Variants in CACNA1D observed in about 807,000 individuals in gnomAD.
CACNA1D encodes calcium voltage-gated channel subunit alpha1 D.
In CACNA1D, 55 loss-of-function variants were observed where a neutral mutation model predicts 257.1. The ratio of observed to expected loss-of-function variants is 0.21; its 90% CI spans 0.17 to 0.27. The LOEUF is 0.27. Ranked by LOEUF, CACNA1D falls within the 10% of genes least tolerant of loss-of-function variation. CACNA1D has a pLI of 1.00. For missense variants in CACNA1D, 1,876 were observed against 2,784.0 expected, an observed-to-expected ratio of 0.67 and a Z score of 7.34; for synonymous variants, 980 against 1,014.9, an observed-to-expected ratio of 0.97 and a Z score of 0.65.
chr3:53,632,322 C>G (rs2093830646), intron 3 of CACNA1D, among the ~76,000 whole-genome samples: 1 of 152,234 alleles, frequency 6.6e-6, no homozygotes, highest in Non-Finnish European at 1.5e-5. Context: ...TTCCAACTTT[C>G]TCTGCAGCTT....
chr3:53,742,829 GC>G (rs1559608598), intron 21 of CACNA1D, among the ~76,000 whole-genome samples, 181 bp from the exon 22 acceptor site: 1 of 152,188 alleles, frequency 6.6e-6, no homozygotes, highest in Non-Finnish European at 1.5e-5. Context: ...AAAATAAGCT[GC>G]CCCTTTTTGA....
At chr3:53,643,205 A>G (rs2093981240) in intron 3 of CACNA1D, among the ~76,000 whole-genome samples, 1 of 152,180 alleles carries the variant, frequency 6.6e-6, no homozygotes, top group Non-Finnish European at 1.5e-5. Context: ...TCTTCATGTA[A>G]ATGTGGTGTT....
Position 53,809,658 on chromosome 3 carries a change from G to A in CACNA1D, c.5872-320G>A, listed in dbSNP as rs4687743. ...ATTTAAACCCAGCATGAACTGGGTG[G>A]TGTGTTCACACCCACAGCTTGTTGG... On this transcript the variant is annotated intron_variant, in intron 46 of 47. Transcript: ENST00000350061. 6.4e-3 allele frequency: 2,711 copies of A among 424,284 alleles called. 142 individuals carry two copies. In the Admixed American group the frequency reaches 0.084, roughly 13 times the overall value. The allele number at this position is 424,284 out of a possible 1,614,324, so 26.3% of individuals were successfully genotyped here. A position where few individuals can be genotyped will look rare whatever the true frequency, so the allele number is the denominator to read the frequency against.
intron 29 of CACNA1D, among the ~76,000 whole-genome samples, chr3:53,755,573 G>GAAATTGTACTGCTTGTAGTTTCACTCAGC (rs1219894755): frequency 5.9e-5 from 9 of 152,178 alleles, no homozygotes; most frequent in African/African-American, 1.9e-4. Context: ...ATTTTTGCTG[G>GAAATTGTACTGCTTGTAGTTTCACTCAGC]AAATTGTACT....
intron 3 of CACNA1D, among the ~76,000 whole-genome samples, chr3:53,618,744 A>G (rs2093663629): frequency 6.6e-6 from 1 of 152,184 alleles, no homozygotes; most frequent in South Asian, 2.1e-4. Context: ...AGAGTGCACT[A>G]GAGTGTACTT....
At chr3:53,686,629 T>C (rs567151509) in intron 8 of CACNA1D, among the ~76,000 whole-genome samples, 7 of 152,170 alleles carry the variant, frequency 4.6e-5, no homozygotes, top group African/African-American at 1.7e-4. Flanking sequence ...CTATAATGAT[T>C]TCTAATAACT....
chr3:53,695,006 C>A (rs762998988), intron 8 of CACNA1D, among the ~76,000 whole-genome samples: 1 of 152,164 alleles, frequency 6.6e-6, no homozygotes, highest in African/African-American at 2.4e-5. Flanking sequence ...ATTGTTCTGT[C>A]GTCAGAGCGC....
At chr3:53,744,976 G>A in intron 23 of CACNA1D, 149 bp downstream of exon 23, 1 of 610,964 alleles carries the variant, frequency 1.6e-6, no homozygotes, top group Admixed American at 3.0e-5. Context: ...CCTGTGCCAA[G>A]TGCTAATGGC....
rs767526147 is a variant in CACNA1D at position 53,800,289 on chromosome 3, G to A, written c.4964G>A (p.Arg1655Gln). 14 of 1,614,104 alleles carry A rather than the reference G, an allele frequency of 8.7e-6. No individual in the cohort carries two copies. Among genetic ancestry groups the A allele is most frequent in the Non-Finnish European group, 1.0e-5 (12 of 1,179,938 alleles). ...RTLHDIGPEI[R>Q]RAISCDLQDD... is the part of the protein sequence containing the mutation. Reference sequence around the variant, plus strand: ...CTGCATGACATTGGGCCAGAAATCCGGCGTGCTATATCGTGTGATTTGCAA... The same window carrying A: ...CTGCATGACATTGGGCCAGAAATCCAGCGTGCTATATCGTGTGATTTGCAA... Residue 1655 changes from arginine (R) to glutamine (Q), a missense_variant, in exon 41 of 48, where the codon CGG (arginine) becomes CAG (glutamine). Arg to Gln is a conservative substitution (Grantham distance 43). Around this residue, in one of 10 missense-constraint regions of CACNA1D, gnomAD observed 160 missense variants for 236.6 expected, o/e 0.68. Transcript: ENST00000350061. The surrounding 1 kb of genome is among the most constrained non-coding windows in gnomAD (Gnocchi z 4.3).
At chr3:53,617,967 A>G (rs1424908222) in intron 3 of CACNA1D, among the ~76,000 whole-genome samples, 1 of 152,160 alleles carries the variant, frequency 6.6e-6, no homozygotes, top group Admixed American at 6.5e-5. Flanking sequence ...GGTATGTTTT[A>G]GGTGCTCCAT....
intron 3 of CACNA1D, among the ~76,000 whole-genome samples, chr3:53,528,868 C>G (rs1455545300): frequency 6.6e-6 from 1 of 152,060 alleles, no homozygotes; most frequent in Non-Finnish European, 1.5e-5. Flanking sequence ...GTACATGCCG[C>G]CTTGTCACAT....
chr3:53,734,795 A>G (rs1233105712), intron 19 of CACNA1D, among the ~76,000 whole-genome samples: 2 of 152,164 alleles, frequency 1.3e-5, no homozygotes, highest in African/African-American at 2.4e-5. Flanking sequence ...AAAAATAATA[A>G]TAACATCTAT....
chr3:53,805,142 A>G lies in CACNA1D; in HGVS notation c.5745A>G (p.Pro1915=), dbSNP rs2095555714. The G allele has an allele frequency of 3.1e-6, 5 of 1,613,504 alleles. No homozygotes were observed. The East Asian group carries it at 1.1e-4, about 36-fold the overall frequency. ...SPRRRLLPPT[P]ASHRRSSFNF... ...GGAGACGCCTACTACCTCCCACCCC[A>G]GCATGTGAGGCCAGATTTTTTGTTT... Residue 1915 remains proline, a synonymous_variant, in exon 45 of 48, where the codon CCA becomes CCG. Coordinates refer to ENST00000350061, the MANE Select transcript of CACNA1D (RefSeq NM_001128840.3).
chr3:53,783,313 A>T (rs1017503297), intron 39 of CACNA1D, among the ~76,000 whole-genome samples: 3 of 152,214 alleles, frequency 2.0e-5, no homozygotes, highest in Non-Finnish European at 4.4e-5. Context: ...ACCAAAAGAA[A>T]AGTCCAGAAT....
chr3:53,605,611 G>A (rs755818330), intron 3 of CACNA1D, among the ~76,000 whole-genome samples: 1 of 152,222 alleles, frequency 6.6e-6, no homozygotes, highest in African/African-American at 2.4e-5. Flanking sequence ...TTAGTATTGT[G>A]GTGAACCAGA....
At chr3:53,557,839 A>C (rs1693107593) in intron 3 of CACNA1D, among the ~76,000 whole-genome samples, 1 of 152,202 alleles carries the variant, frequency 6.6e-6, no homozygotes, top group Non-Finnish European at 1.5e-5. Context: ...CGTTCATTTT[A>C]ATTCCTTTGT....
At chr3:53,652,770 G>A (rs887524526) in intron 4 of CACNA1D, among the ~76,000 whole-genome samples, 1 of 152,166 alleles carries the variant, frequency 6.6e-6, no homozygotes, top group African/African-American at 2.4e-5. Flanking sequence ...TATAAATAAA[G>A]TTTTATTGTA....
intron 3 of CACNA1D, among the ~76,000 whole-genome samples, chr3:53,540,111 A>ATTTG (rs536389881): frequency 1.4e-5 from 2 of 141,236 alleles, no homozygotes; most frequent in African/African-American, 2.7e-5. Context: ...AATGCTATTT[A>ATTTG]TTTGTTTGTT....
Position 53,776,965 on chromosome 3 carries a change from C to A in CACNA1D, c.4587+9C>A. ...ACAGGGTAGCGTGCAAGGTGAGTGT[C>A]CTGTGTGCGTGTCTGACAGCCTGTC... On this transcript the variant is annotated intron_variant, in intron 37 of 47. Transcript: ENST00000350061. 1 of 1,598,912 alleles carries A rather than the reference C, an allele frequency of 6.3e-7. No homozygotes were observed. Among genetic ancestry groups the A allele is most frequent in the Non-Finnish European group, 8.6e-7 (1 of 1,166,280 alleles).
Sources: allele counts gnomAD v4.1 joint callset (sites outside exome capture counted in the v4.1 genomes callset), GRCh38; gene constraint gnomAD v4.1.1; regional missense constraint gnomAD v4.1.1; non-coding constraint Gnocchi (gnomAD v3.1); transcripts MANE v1.5; gene names NCBI Gene and HGNC (gene_info 2026-07-23, HGNC 2026-07-21).